CSMD3: variants seen among roughly 807,000 people sequenced by gnomAD.
The protein encoded by CSMD3 is CUB and sushi domain-containing protein 3.
A neutral mutation model predicts 435.2 loss-of-function variants in CSMD3; 177 were observed. The observed-to-expected ratio is 0.41, with a 90% confidence interval of 0.36 to 0.46. CSMD3 has a LOEUF of 0.46. Among genes scored for constraint, CSMD3 ranks in the 20% least tolerant of loss-of-function variants. The pLI, the probability that CSMD3 is intolerant of heterozygous loss-of-function variation, is 0.34. For missense variants in CSMD3, 4,265 were observed against 4,504.6 expected (o/e 0.95, Z 1.52); for synonymous variants, 1,656 against 1,520.5 (o/e 1.09, Z -2.07).
intron 1 of CSMD3, among the ~76,000 whole-genome samples, chr8:113,382,637 T>G (rs2133110990): frequency 6.6e-6 from 1 of 152,286 alleles, no homozygotes; most frequent in East Asian, 1.9e-4. Context: ...TCTCATAAAC[T>G]TTGTGATTCT....
intron 45 of CSMD3, among the ~76,000 whole-genome samples, chr8:112,331,669 C>A (rs1488700334): frequency 3.3e-5 from 5 of 151,806 alleles, no homozygotes; most frequent in Non-Finnish European, 5.9e-5. Flanking sequence ...AACTGTCAAC[C>A]TTATAAAATA....
At chr8:112,386,368 A>C (rs1829950639) in intron 36 of CSMD3, among the ~76,000 whole-genome samples, 1 of 151,292 alleles carries the variant, frequency 6.6e-6, no homozygotes, top group Admixed American at 6.6e-5. Context: ...TTGGCATAAT[A>C]AAAATATAAA....
intron 12 of CSMD3, 133 bp downstream of exon 12, chr8:112,829,553 A>T: frequency 1.4e-6 from 1 of 701,538 alleles, no homozygotes; most frequent in East Asian, 2.7e-5. Context: ...TATGAAAGTT[A>T]ACAATAATAA....
chr8:113,066,989 C>A lies in CSMD3; in HGVS notation c.917+31767G>T, dbSNP rs559809639. 2.0e-5 allele frequency among the ~76,000 whole-genome samples: 3 copies of A among 152,186 alleles called. No homozygotes were observed. The East Asian group carries it at 5.8e-4, about 29-fold the overall frequency. On this transcript the variant is annotated intron_variant, in intron 5 of 70. Coordinates refer to ENST00000297405, the MANE Select transcript of CSMD3 (RefSeq NM_198123.2). ...AATTTGGATTAAGTAATATTAAGAA[C>A]TAAAACCTGAAGAATCATTTTTAGA...
intron 10 of CSMD3, among the ~76,000 whole-genome samples, chr8:112,874,404 T>G (rs962406943): frequency 3.9e-5 from 6 of 152,198 alleles, no homozygotes; most frequent in African/African-American, 1.4e-4. Flanking sequence ...TGGAGAATTC[T>G]GTAGATGTCT....
intron 1 of CSMD3, among the ~76,000 whole-genome samples, chr8:113,355,562 C>A (rs1348230248): frequency 6.6e-6 from 1 of 151,490 alleles, no homozygotes; most frequent in Non-Finnish European, 1.5e-5. Flanking sequence ...TAATCTAACC[C>A]TAACTGTCTC....
chr8:112,650,279 A>T lies in CSMD3; in HGVS notation c.3075T>A (p.Asp1025Glu), dbSNP rs7839690. 3 of 1,613,886 alleles carry T rather than the reference A, an allele frequency of 1.9e-6. No homozygotes were observed. The highest frequency in any genetic ancestry group is 2.5e-6 in the Non-Finnish European group (3 of 1,179,844). ...IPVHGRRYGH[D>E]FSIGSTVSFS... is the part of the protein sequence containing the mutation. ...ATGAAACAGTAGAGCCAATGGAGAAATCATGACCATAGCGACGGCCATGTA... is the reference window on the plus strand; with the variant it reads ...ATGAAACAGTAGAGCCAATGGAGAATTCATGACCATAGCGACGGCCATGTA... The change falls in exon 19 of 71, where the codon GAT (aspartate) becomes GAA (glutamate). Residue 1025 changes from aspartate (D) to glutamate (E), a missense_variant. This residue lies in a region of CSMD3 where 3,255 missense variants were observed against 3,380.2 expected (regional missense o/e 0.96). Transcript: ENST00000297405.
At chr8:112,896,264 CCAGCAT>C (rs1386648453) in intron 10 of CSMD3, among the ~76,000 whole-genome samples, 1 of 151,350 alleles carries the variant, frequency 6.6e-6, no homozygotes, top group Non-Finnish European at 1.5e-5. Context: ...CCAGCATCAG[CCAGCAT>C]CAACTCCAGG....
chr8:113,273,077 G>A (rs558539232), intron 3 of CSMD3, among the ~76,000 whole-genome samples: 1 of 152,034 alleles, frequency 6.6e-6, no homozygotes, highest in African/African-American at 2.4e-5. Flanking sequence ...ACTCTTATTT[G>A]ATCATTACAC....
At chr8:112,417,055 G>A (rs1016349403) in intron 32 of CSMD3, among the ~76,000 whole-genome samples, 3 of 152,158 alleles carry the variant, frequency 2.0e-5, no homozygotes, top group Admixed American at 6.5e-5. Flanking sequence ...GACAATGACA[G>A]TGCCAATCAA....
At chr8:112,618,191 C>A (rs550997962) in intron 22 of CSMD3, among the ~76,000 whole-genome samples, 83 of 152,156 alleles carry the variant, frequency 5.5e-4, no homozygotes, top group African/African-American at 2.0e-3. Flanking sequence ...ATTCATTCTT[C>A]AATCAAAGAA....
Position 112,241,346 on chromosome 8 carries a change from G to A in CSMD3, c.10468+374C>T, listed in dbSNP as rs543972466. Among the ~76,000 whole-genome samples, 8 of 151,936 alleles carry A rather than the reference G, an allele frequency of 5.3e-5. No homozygotes were observed. The South Asian group carries it at 6.2e-4, about 12-fold the overall frequency. ...AACTAGTCAATTTCTAGAAGTTACCGATCTTTATTCTCATACCAAGTGTAT... is the reference window on the plus strand; with the variant it reads ...AACTAGTCAATTTCTAGAAGTTACCAATCTTTATTCTCATACCAAGTGTAT... On this transcript the variant is annotated intron_variant, in intron 66 of 70. Coordinates refer to ENST00000297405, the MANE Select transcript of CSMD3 (RefSeq NM_198123.2).
chr8:112,547,261 T>C (rs1469478683), intron 27 of CSMD3, among the ~76,000 whole-genome samples: 1 of 152,150 alleles, frequency 6.6e-6, no homozygotes, highest in African/African-American at 2.4e-5. Context: ...GTACAAAATA[T>C]GTGTTTTATA....
chr8:113,076,976 G>C (rs2089366811), intron 5 of CSMD3, among the ~76,000 whole-genome samples: 1 of 152,114 alleles, frequency 6.6e-6, no homozygotes. Context: ...AGGTATTAGG[G>C]AGACAAAAGG....
chr8:113,365,786 C>T (rs1043655226), intron 1 of CSMD3, among the ~76,000 whole-genome samples: 21 of 152,022 alleles, frequency 1.4e-4, no homozygotes, highest in Non-Finnish European at 2.9e-4. Flanking sequence ...ATGAGAGTGT[C>T]GTTCTGTTAT....
In CSMD3 at chr8:112,314,442, A is replaced by G. The variant is rs1822270770; in HGVS notation, c.7536T>C (p.Leu2512=). 6.2e-7 allele frequency: 1 copy of G among 1,607,142 alleles called. No homozygotes were observed. The highest frequency in any genetic ancestry group is 1.3e-5 in the African/African-American group (1 of 74,896). The change falls in exon 48 of 71, where the codon CTT becomes CTC. Residue 2512 remains leucine (L), a synonymous_variant. Transcript: ENST00000297405. ...ACCCTTGGTTACCATCATACACCTGAAGAACATCAAATTCCTTTTCTGTCT... is the reference window on the plus strand; with the variant it reads ...ACCCTTGGTTACCATCATACACCTGGAGAACATCAAATTCCTTTTCTGTCT... ...FFQTEKEFDV[L]QVYDGPNIQS...
At chr8:112,875,466 T>A (rs2081256949) in intron 10 of CSMD3, among the ~76,000 whole-genome samples, 1 of 152,106 alleles carries the variant, frequency 6.6e-6, no homozygotes, top group Non-Finnish European at 1.5e-5. Context: ...TGTTGTCCTG[T>A]CTTGCTAGGT....
At chr8:113,428,220 CTAT>C (rs2094647910) in intron 1 of CSMD3, among the ~76,000 whole-genome samples, 3 of 136,828 alleles carry the variant, frequency 2.2e-5, no homozygotes, top group Non-Finnish European at 5.1e-5. Flanking sequence ...ATCTATCTAT[CTAT>C]CTATCTATCT....
chr8:112,323,810 C>T (rs1823236620), intron 45 of CSMD3, among the ~76,000 whole-genome samples: 1 of 151,938 alleles, frequency 6.6e-6, no homozygotes, highest in Admixed American at 6.6e-5. Flanking sequence ...ACCTGGAATC[C>T]ACTTTGTACA....
Sources: gnomAD v4.1 joint callset for allele counts (sites outside exome capture counted in the v4.1 genomes callset) on GRCh38, gnomAD v4.1.1 for gene constraint, gnomAD v4.1.1 regional missense constraint, MANE v1.5 for transcripts, NCBI Gene and HGNC (gene_info 2026-07-23, HGNC 2026-07-21) for gene names.